TMIGD3: variants seen among roughly 807,000 people sequenced by gnomAD.
TMIGD3 encodes the protein AD026 protein (AD026).
Under a neutral mutation model 28.1 loss-of-function variants are expected in TMIGD3, and 21 were observed. That is an observed-to-expected ratio of 0.75 (90% CI 0.53 to 1.08). The LOEUF (loss-of-function observed/expected upper bound fraction) is 1.08, where lower values mean the gene tolerates loss of function less well. TMIGD3 is among the 50% of genes least tolerant of loss of function. The probability of loss-of-function intolerance (pLI) is 0.00; values close to 1 mark genes in which losing one functional copy is unlikely to be tolerated. For synonymous variants in TMIGD3, 151 were observed against 162.1 expected (o/e 0.93, Z 0.52); for missense variants, 416 against 435.6 (o/e 0.96, Z 0.40).
At chr1:111,519,191 G>A (rs1264254794) in intron 1 of TMIGD3, among the ~76,000 whole-genome samples, 2 of 152,040 alleles carry the variant, frequency 1.3e-5, no homozygotes, top group African/African-American at 2.4e-5. Flanking sequence ...CATCCACCTC[G>A]GCCTCCCAAA....
chr1:111,491,122 G>T (rs1401195604), intron 1 of TMIGD3, among the ~76,000 whole-genome samples: 4 of 152,230 alleles, frequency 2.6e-5, no homozygotes, highest in African/African-American at 9.7e-5. Context: ...AATCTTGGAG[G>T]CCCAATTTCT....
chr1:111,488,652 G>A, intron 3 of TMIGD3, 25 bp downstream of exon 3: 1 of 1,596,766 alleles, frequency 6.3e-7, no homozygotes, highest in South Asian at 1.1e-5. Context: ...GTTACATCCA[G>A]CCAGACCCCA....
At chr1:111,534,540 A>G (rs74112320) in intron 1 of TMIGD3, among the ~76,000 whole-genome samples, 5,791 of 152,222 alleles carry the variant, frequency 0.038, 354 homozygotes, top group African/African-American at 0.13. Context: ...TAATTGATCA[A>G]TTTTTATAAG....
intron 1 of TMIGD3, among the ~76,000 whole-genome samples, chr1:111,510,470 G>A (rs187894848): frequency 3.1e-4 from 47 of 152,208 alleles, no homozygotes; most frequent in African/African-American, 8.9e-4. Flanking sequence ...AAAAGAGGTC[G>A]TTTTTCTTAA....
At chr1:111,500,101 A>T in intron 1 of TMIGD3, 1 of 1,614,194 alleles carries the variant, frequency 6.2e-7, no homozygotes, top group Non-Finnish European at 8.5e-7. Flanking sequence ...ATGGGACAGC[A>T]GGATGCCCAT....
At chr1:111,514,435 C>T (rs1464644403) in intron 1 of TMIGD3, among the ~76,000 whole-genome samples, 1 of 152,146 alleles carries the variant, frequency 6.6e-6, no homozygotes, top group Non-Finnish European at 1.5e-5. Context: ...TATAGACCTG[C>T]ACCTGCAGTC....
chr1:111,537,221 C>G (rs1004177467), intron 1 of TMIGD3, among the ~76,000 whole-genome samples: 1 of 152,250 alleles, frequency 6.6e-6, no homozygotes, highest in South Asian at 2.1e-4. Context: ...CCAGGGCACT[C>G]ACTTCTAGCA....
intron 1 of TMIGD3, among the ~76,000 whole-genome samples, chr1:111,527,068 T>G (rs1030665969): frequency 7.5e-6 from 1 of 133,654 alleles, no homozygotes; most frequent in Admixed American, 9.6e-5. Context: ...TAGAGTGCAG[T>G]GGTGTGATCT....
intron 1 of TMIGD3, among the ~76,000 whole-genome samples, chr1:111,544,183 AAGTGG>A (rs1342871901): frequency 6.6e-6 from 1 of 152,218 alleles, no homozygotes; most frequent in African/African-American, 2.4e-5. Flanking sequence ...ATAAAATCTA[AAGTGG>A]AGTCACTCAT....
chr1:111,497,169 G>A, intron 1 of TMIGD3, among the ~76,000 whole-genome samples: 1 of 152,160 alleles, frequency 6.6e-6, no homozygotes, highest in Admixed American at 6.6e-5. Flanking sequence ...GGAGTGCAGT[G>A]GCACGATCTC....
At chr1:111,492,845 G>A (rs1654731796) in intron 1 of TMIGD3, among the ~76,000 whole-genome samples, 1 of 148,686 alleles carries the variant, frequency 6.7e-6, no homozygotes. Flanking sequence ...TATCTCTAAA[G>A]TAAATGAAAG....
chr1:111,495,100 T>G (rs1450800268), intron 1 of TMIGD3, among the ~76,000 whole-genome samples: 1 of 152,182 alleles, frequency 6.6e-6, no homozygotes, highest in Non-Finnish European at 1.5e-5. Flanking sequence ...GATTTCATGA[T>G]GAAATGGCCA....
At chr1:111,508,312 G>A (rs111362788), upstream of TMIGD3, among the ~76,000 whole-genome samples, 142 of 152,364 alleles carry the variant, frequency 9.3e-4, 2 homozygotes, top group African/African-American at 3.3e-3. Flanking sequence ...CGGAGACTTA[G>A]CACGGTAGCG....
chr1:111,504,157 A>G, upstream of TMIGD3: 3 of 985,226 alleles, frequency 3.0e-6, no homozygotes, highest in South Asian at 4.7e-5. Flanking sequence ...TTCCCTGCTC[A>G]GAAGGGCAAA....
chr1:111,510,428 G>C (rs1655651756), intron 1 of TMIGD3, among the ~76,000 whole-genome samples: 1 of 127,300 alleles, frequency 7.9e-6, no homozygotes, highest in African/African-American at 3.2e-5. Flanking sequence ...AAGTTTCATA[G>C]GATAAATTTC....
At chr1:111,533,452 C>T (rs1656520869) in intron 1 of TMIGD3, among the ~76,000 whole-genome samples, 1 of 152,228 alleles carries the variant, frequency 6.6e-6, no homozygotes, top group Non-Finnish European at 1.5e-5. Flanking sequence ...TCCCATCCTT[C>T]ATCCCACCTG....
chr1:111,539,533 T>C, intron 1 of TMIGD3, among the ~76,000 whole-genome samples: 1 of 152,102 alleles, frequency 6.6e-6, no homozygotes, highest in East Asian at 1.9e-4. Context: ...CTTGACCTCA[T>C]AATCCGCCCG....
chr1:111,557,515 A>C lies in TMIGD3; in HGVS notation c.107+6331T>G, dbSNP rs143456975. The stretch of plus-strand genomic sequence containing the variant: ...CAGTGAGCCGAGATCACACCACTGC[A>C]CTCCAGCCTGGGCAATAGAGTGAGA... On this transcript the variant is annotated intron_variant, in intron 1 of 5. Coordinates refer to the TMIGD3 transcript ENST00000369717. Among the ~76,000 whole-genome samples the C allele has an allele frequency of 2.6e-4, 39 of 152,104 alleles. No homozygotes were observed. In the East Asian group the frequency reaches 7.3e-3, roughly 29 times the overall value.
intron 5 of TMIGD3, among the ~76,000 whole-genome samples, chr1:111,485,052 C>T (rs1162579749): frequency 6.6e-6 from 1 of 152,178 alleles, no homozygotes; most frequent in Non-Finnish European, 1.5e-5. Context: ...CACACAGTCC[C>T]TTCTCTATTT....
Sources: gnomAD v4.1 joint callset for allele counts (sites outside exome capture counted in the v4.1 genomes callset) on GRCh38, gnomAD v4.1.1 for gene constraint, MANE v1.5 for transcripts, NCBI Gene and HGNC (gene_info 2026-07-23, HGNC 2026-07-21) for gene names.